Variants in RGS7 observed in about 807,000 individuals in gnomAD.
RGS7 encodes regulator of G-protein signaling 7.
In RGS7, 27 loss-of-function variants were observed where a neutral mutation model predicts 81.1. That is an observed-to-expected ratio of 0.33 (90% CI 0.25 to 0.46). RGS7 has a LOEUF of 0.46. Ranked by LOEUF, RGS7 falls within the 20% of genes least tolerant of loss-of-function variation. The probability of loss-of-function intolerance (pLI) is 1.00; values close to 1 mark genes in which losing one functional copy is unlikely to be tolerated. For synonymous variants in RGS7, 208 were observed against 207.7 expected, an observed-to-expected ratio of 1.00 and a Z score of -0.01; for missense variants, 396 against 607.4, an observed-to-expected ratio of 0.65 and a Z score of 3.66.
chr1:241,055,633 G>A (rs1231006754), intron 3 of RGS7, among the ~76,000 whole-genome samples: 1 of 152,192 alleles, frequency 6.6e-6, no homozygotes, highest in Non-Finnish European at 1.5e-5. Context: ...GCCTCCCCAA[G>A]CATGCCACCA....
rs562055787 is a variant in RGS7, at chr1:241,066,236, T to A, written c.175+32430A>T. ...TTTTCCCTCCTTGAGTCTGTCTATATGCAAGAATGGATGAGCAATCAGAAA... is the reference window on the plus strand; with the variant it reads ...TTTTCCCTCCTTGAGTCTGTCTATAAGCAAGAATGGATGAGCAATCAGAAA... On this transcript the variant is annotated intron_variant, in intron 3 of 18. Coordinates refer to ENST00000440928, the MANE Select transcript of RGS7 (RefSeq NM_001364886.1). 2.0e-5 allele frequency among the ~76,000 whole-genome samples: 3 copies of A among 152,294 alleles called. No individual in the cohort carries two copies. In the South Asian group the frequency reaches 6.2e-4, roughly 32 times the overall value.
chr1:240,813,219 G>GAATTTATAA (rs1227216046), intron 13 of RGS7, among the ~76,000 whole-genome samples: 3 of 152,144 alleles, frequency 2.0e-5, no homozygotes, highest in Non-Finnish European at 4.4e-5. Flanking sequence ...TCTTAAAATT[G>GAATTTATAA]AATTTATAAA....
At chr1:241,098,797 AG>A in intron 2 of RGS7, 35 bp from the exon 3 acceptor site, 5 of 1,521,338 alleles carry the variant, frequency 3.3e-6, no homozygotes, top group Non-Finnish European at 4.5e-6. Context: ...ACCTTTATAA[AG>A]TTGAACTTTT....
Position 241,134,999 on chromosome 1 carries a change from C to T in RGS7, c.79-36237G>A, listed in dbSNP as rs182461756. ...TCTGAAGATGGAGAAGGAGGCCGTC[C>T]GGGTACTACGTAGCAGTCAGGTCAG... On this transcript the variant is annotated intron_variant, in intron 2 of 18. Transcript: ENST00000440928. 4.9e-3 allele frequency among the ~76,000 whole-genome samples: 677 copies of T among 137,762 alleles called. 1 individual carries two copies. The highest frequency in any genetic ancestry group is 6.3e-3 in the Non-Finnish European group (430 of 67,878). The allele number at this position is 137,762 out of a possible 152,430, so 90.4% of individuals were successfully genotyped here. A position where few individuals can be genotyped will look rare whatever the true frequency, so the allele number is the denominator to read the frequency against.
chr1:240,827,543 C>T (rs1326252751), intron 9 of RGS7, among the ~76,000 whole-genome samples: 1 of 152,120 alleles, frequency 6.6e-6, no homozygotes, highest in Non-Finnish European at 1.5e-5. Context: ...CTGCAGACAG[C>T]CTCTCGCAGA....
chr1:240,844,298 G>A (rs1043861870), intron 9 of RGS7, among the ~76,000 whole-genome samples: 1 of 151,982 alleles, frequency 6.6e-6, no homozygotes, highest in Non-Finnish European at 1.5e-5. Flanking sequence ...CCCGACACCT[G>A]CCCAGACACC....
At chr1:240,870,571 C>T (rs1664304741) in intron 6 of RGS7, among the ~76,000 whole-genome samples, 1 of 152,088 alleles carries the variant, frequency 6.6e-6, no homozygotes, top group African/African-American at 2.4e-5. Flanking sequence ...TGGTCTTGAA[C>T]TCCTGGGCTC....
chr1:241,302,754 C>T (rs2079849223), intron 2 of RGS7, among the ~76,000 whole-genome samples: 4 of 152,164 alleles, frequency 2.6e-5, no homozygotes. Flanking sequence ...ATTACTGTTT[C>T]ATTTACACTC....
chr1:240,980,406 A>G (rs1053397168), intron 4 of RGS7, among the ~76,000 whole-genome samples: 5 of 152,178 alleles, frequency 3.3e-5, no homozygotes, highest in African/African-American at 1.2e-4. Context: ...ATTGACTTCT[A>G]GAACATCAAA....
chr1:240,903,385 TTTAAA>T (rs1170667987), intron 6 of RGS7, among the ~76,000 whole-genome samples: 1 of 152,174 alleles, frequency 6.6e-6, no homozygotes, highest in Non-Finnish European at 1.5e-5. Flanking sequence ...AATTTTTTAA[TTTAAA>T]TAGTCATATG....
chr1:240,801,809 G>T (rs1003581644), intron 16 of RGS7, among the ~76,000 whole-genome samples: 11 of 152,166 alleles, frequency 7.2e-5, no homozygotes, highest in Non-Finnish European at 1.3e-4. Context: ...GACATTTGCA[G>T]AGCCTAAATA....
At chr1:241,269,288 C>G (rs2077749409) in intron 2 of RGS7, among the ~76,000 whole-genome samples, 1 of 152,222 alleles carries the variant, frequency 6.6e-6, no homozygotes, top group Admixed American at 6.5e-5. Context: ...GTCCAAGGCT[C>G]CCTTTTGTGG....
intron 2 of RGS7, among the ~76,000 whole-genome samples, chr1:241,292,993 T>C (rs1158849093): frequency 6.6e-6 from 1 of 152,216 alleles, no homozygotes; most frequent in Non-Finnish European, 1.5e-5. Context: ...GAATGTAATA[T>C]GAAGTGAAAA....
chr1:241,221,038 GAAAAGA>G (rs376811504), intron 2 of RGS7, among the ~76,000 whole-genome samples: 1 of 73,888 alleles, frequency 1.4e-5, no homozygotes, highest in Admixed American at 1.5e-4. Flanking sequence ...AGGAAGGAAG[GAAAAGA>G]AAGAAAGAAA....
intron 2 of RGS7, among the ~76,000 whole-genome samples, chr1:241,204,773 G>A (rs184713925): frequency 7.3e-5 from 11 of 151,696 alleles, no homozygotes; most frequent in African/African-American, 2.7e-4. Context: ...TTTCACTAAT[G>A]TTTTAAATAG....
intron 3 of RGS7, among the ~76,000 whole-genome samples, chr1:241,091,683 TGA>T (rs1340474300): frequency 2.0e-5 from 3 of 152,030 alleles, no homozygotes; most frequent in Admixed American, 6.6e-5. Flanking sequence ...TCCAGGAGTT[TGA>T]GACTAGCCTG....
At chr1:241,234,477 CTTTT>C (rs2075824005) in intron 2 of RGS7, among the ~76,000 whole-genome samples, 1 of 148,762 alleles carries the variant, frequency 6.7e-6, no homozygotes, top group Admixed American at 7.0e-5. Context: ...TTTTCTTTTT[CTTTT>C]TTTCTTTTTT....
intron 2 of RGS7, among the ~76,000 whole-genome samples, chr1:241,182,133 C>T (rs10802929): frequency 0.41 from 61,698 of 151,902 alleles, 12,833 homozygotes; most frequent in East Asian, 0.63. Context: ...CGTGCTAATT[C>T]TGGGTCCTTG....
At chr1:241,307,318 T>C (rs1217169322) in intron 2 of RGS7, among the ~76,000 whole-genome samples, 2 of 152,184 alleles carry the variant, frequency 1.3e-5, no homozygotes, top group East Asian at 3.9e-4. Context: ...AGTTCCACAA[T>C]GAAGAAGAAT....
Sources: gnomAD v4.1 joint callset for allele counts (sites outside exome capture counted in the v4.1 genomes callset) on GRCh38, gnomAD v4.1.1 for gene constraint, MANE v1.5 for transcripts, NCBI Gene and HGNC (gene_info 2026-07-23, HGNC 2026-07-21) for gene names.